The following APBA2 variants were observed in gnomAD, a reference collection of about 807,000 sequenced individuals.
The protein encoded by APBA2 is amyloid-beta A4 precursor protein-binding family A member 2.
In APBA2, 30 loss-of-function variants were observed where a neutral mutation model predicts 75.0. That is an observed-to-expected ratio of 0.40 (90% confidence interval 0.30 to 0.54). The LOEUF (loss-of-function observed/expected upper bound fraction) is 0.54. Among genes scored for constraint, APBA2 ranks in the 20% least tolerant of loss-of-function variants. APBA2 has a pLI of 0.49. For missense variants in APBA2, 801 were observed against 1,016.1 expected (o/e 0.79, Z 2.88); for synonymous variants, 444 against 409.6 (o/e 1.08, Z -1.01).
chr15:29,052,497 C>T (rs1032994048), intron 3 of APBA2, among the ~76,000 whole-genome samples: 6 of 149,934 alleles, frequency 4.0e-5, no homozygotes, highest in African/African-American at 1.0e-4. Context: ...AACTTTTGGA[C>T]GTCCTCTGTG....
chr15:28,949,899 T>C (rs1236559429), intron 2 of APBA2, among the ~76,000 whole-genome samples: 2 of 152,208 alleles, frequency 1.3e-5, no homozygotes, highest in African/African-American at 4.8e-5. Flanking sequence ...CATCACACGG[T>C]GCATTTGGCA....
intron 2 of APBA2, among the ~76,000 whole-genome samples, chr15:28,940,920 G>A (rs1002111926): frequency 1.3e-5 from 2 of 152,208 alleles, no homozygotes; most frequent in Non-Finnish European, 2.9e-5. Flanking sequence ...CGAGGATAGT[G>A]TTAAAAGGAC....
intron 1 of APBA2, among the ~76,000 whole-genome samples, chr15:28,908,898 T>G (rs2033279892): frequency 6.6e-6 from 1 of 152,166 alleles, no homozygotes; most frequent in Non-Finnish European, 1.5e-5. Flanking sequence ...CAGAACTTTC[T>G]TCATCTTGCA....
At chr15:29,066,485 T>G (rs183990447) in intron 4 of APBA2, among the ~76,000 whole-genome samples, 20 of 152,264 alleles carry the variant, frequency 1.3e-4, no homozygotes, top group Non-Finnish European at 1.8e-4. Context: ...ATTCTACTTC[T>G]GAGGCACCCA....
At chr15:29,115,674 C>A (rs1480781933) in intron 14 of APBA2, among the ~76,000 whole-genome samples, 1 of 152,178 alleles carries the variant, frequency 6.6e-6, no homozygotes, top group Non-Finnish European at 1.5e-5. Context: ...CGCTGATAAA[C>A]AAGGCTTGCA....
chr15:28,896,172 A>G (rs1356818194), intron 1 of APBA2, among the ~76,000 whole-genome samples: 2 of 152,152 alleles, frequency 1.3e-5, no homozygotes, highest in Admixed American at 1.3e-4. Flanking sequence ...GGGGGTGGAG[A>G]GCACCTCTGT....
intron 12 of APBA2, among the ~76,000 whole-genome samples, 195 bp from the exon 13 acceptor site, chr15:29,108,075 T>C (rs1676594275): frequency 6.6e-6 from 1 of 152,074 alleles, no homozygotes; most frequent in South Asian, 2.1e-4. Context: ...GGAAACCTGG[T>C]AGCTCTGGTA....
Position 28,886,019 on chromosome 15 carries a change from C to T in APBA2, c.-464C>T, listed in dbSNP as rs555085353. 2 of 149,220 alleles carry T rather than the reference C, an allele frequency of 1.3e-5. No individual in the cohort carries two copies. Among genetic ancestry groups the T allele is most frequent in the East Asian group, 2.0e-4 (1 of 5,074 alleles). The allele number at this position is 149,220 out of a possible 1,614,324, so 9.2% of individuals were successfully genotyped here. A position where few individuals can be genotyped will look rare whatever the true frequency, so the allele number is the denominator to read the frequency against. On this transcript the variant is annotated 5_prime_UTR_variant, in exon 1 of 15. Transcript: ENST00000683413. ...GGCGGAAGCGGCCGGGGCGGGGGCG[C>T]AGGCCCGGCAGCCGCAGGCCGGTGC...
At chr15:29,090,061 T>C (rs572473922) in intron 6 of APBA2, among the ~76,000 whole-genome samples, 1 of 152,172 alleles carries the variant, frequency 6.6e-6, no homozygotes, top group Non-Finnish European at 1.5e-5. Context: ...CCGCCCCCAC[T>C]GGACTCTTCT....
chr15:28,946,549 C>T (rs1017821748), intron 2 of APBA2, among the ~76,000 whole-genome samples: 3 of 152,094 alleles, frequency 2.0e-5, no homozygotes, highest in Non-Finnish European at 4.4e-5. Context: ...AGGAGACCTG[C>T]GTGGGATTCC....
chr15:28,940,356 CAAAAAAAAA>C (rs398043111), intron 2 of APBA2, among the ~76,000 whole-genome samples: 20 of 38,450 alleles, frequency 5.2e-4, no homozygotes, highest in East Asian at 1.2e-3. Context: ...ACTAAAAATA[CAAAAAAAAA>C]AAAAAAAAAA....
chr15:28,895,730 G>A (rs1440577838), intron 1 of APBA2: 1 of 152,366 alleles, frequency 6.6e-6, no homozygotes, highest in Non-Finnish European at 1.5e-5. Flanking sequence ...TCTGTCTGCT[G>A]GGACTGCGCT....
chr15:28,918,628 G>A lies in APBA2; in HGVS notation c.-204-3012G>A, dbSNP rs2033804008. ...GATGCGTGTGGGTGTGGTGGGGTTG[G>A]GGGTGGGGGTGGGGCTGGGGGTGGT... On this transcript the variant is annotated intron_variant, in intron 1 of 14. Transcript: ENST00000683413. This position sits in a 1 kb window ranked among gnomAD's most constrained non-coding sequence, Gnocchi z 4.2. Among the ~76,000 whole-genome samples the A allele has an allele frequency of 6.6e-6, 1 of 151,824 alleles. No homozygotes were observed. The highest frequency in any genetic ancestry group is 2.4e-5 in the African/African-American group (1 of 41,352).
intron 3 of APBA2, among the ~76,000 whole-genome samples, chr15:29,035,776 CT>C (rs1289898342): frequency 6.6e-6 from 1 of 152,200 alleles, no homozygotes; most frequent in African/African-American, 2.4e-5. Context: ...CAGCCTCCCC[CT>C]GACCTGCTGA....
intron 9 of APBA2, 79 bp from the exon 10 acceptor site, chr15:29,101,520 C>A: frequency 6.7e-7 from 1 of 1,503,234 alleles, no homozygotes. Flanking sequence ...GCTTGAGCCA[C>A]CATGCCCAGC....
intron 6 of APBA2, among the ~76,000 whole-genome samples, chr15:29,087,075 G>A (rs1595926728): frequency 6.6e-6 from 1 of 152,136 alleles, no homozygotes; most frequent in Admixed American, 6.5e-5. Context: ...ACTAAACCCT[G>A]GCGGTGATGC....
At chr15:28,956,381 G>A (rs149494755) in intron 2 of APBA2, among the ~76,000 whole-genome samples, 12 of 152,188 alleles carry the variant, frequency 7.9e-5, no homozygotes, top group African/African-American at 2.9e-4. Flanking sequence ...ATGAGGAAAG[G>A]CGTGGAGGCT....
intron 3 of APBA2, among the ~76,000 whole-genome samples, chr15:29,039,148 TGTGTG>T (rs2040902680): frequency 7.1e-6 from 1 of 140,504 alleles, no homozygotes; most frequent in African/African-American, 2.8e-5. Flanking sequence ...TGTGTGTGTG[TGTGTG>T]TGTATCAGGG....
At chr15:29,076,646 C>T (rs759736642) in intron 6 of APBA2, among the ~76,000 whole-genome samples, 60 of 152,198 alleles carry the variant, frequency 3.9e-4, no homozygotes, top group Admixed American at 1.2e-3. Flanking sequence ...TGTAGGAGAT[C>T]CACTGGGTTT....
Sources: gnomAD v4.1 joint callset for allele counts (sites outside exome capture counted in the v4.1 genomes callset) on GRCh38, gnomAD v4.1.1 for gene constraint, Gnocchi (gnomAD v3.1) non-coding constraint, MANE v1.5 for transcripts, NCBI Gene and HGNC (gene_info 2026-07-23, HGNC 2026-07-21) for gene names.